Variants in ABCC9 observed in about 807,000 individuals in gnomAD.
ABCC9 encodes the protein ATP-binding cassette sub-family C member 9.
Under a neutral mutation model 188.3 loss-of-function variants are expected in ABCC9, and 95 were observed. That is an observed-to-expected ratio of 0.50 (90% CI 0.43 to 0.60). The LOEUF (loss-of-function observed/expected upper bound fraction) is 0.60. Among genes scored for constraint, ABCC9 ranks in the 20% least tolerant of loss-of-function variants. The pLI, the probability that ABCC9 is intolerant of heterozygous loss-of-function variation, is 0.00. For synonymous variants in ABCC9, 659 were observed against 652.7 expected (o/e 1.01, Z -0.15); for missense variants, 1,102 against 1,876.3 (o/e 0.59, Z 7.62).
chr12:21,801,202 T>A (rs1371689279), intron 39 of ABCC9, 21 bp from the exon 40 acceptor site: 1 of 1,613,482 alleles, frequency 6.2e-7, no homozygotes, highest in South Asian at 1.1e-5. Context: ...AAAGAAAACA[T>A]GTATTTGTTA....
At chr12:21,842,163 C>A in intron 29 of ABCC9, 151 bp downstream of exon 29, 7 of 890,240 alleles carry the variant, frequency 7.9e-6, no homozygotes, top group Non-Finnish European at 1.2e-5. Flanking sequence ...ATGTAGTACT[C>A]GGCACATGAC....
intron 30 of ABCC9, among the ~76,000 whole-genome samples, chr12:21,836,461 TA>T (rs1231723165): frequency 6.6e-6 from 1 of 152,210 alleles, no homozygotes; most frequent in Non-Finnish European, 1.5e-5. Flanking sequence ...ACATCTGTTA[TA>T]TCTTCTTTCA....
chr12:21,804,950 A>G (rs1482904989), intron 39 of ABCC9, among the ~76,000 whole-genome samples: 4 of 152,072 alleles, frequency 2.6e-5, no homozygotes, highest in Non-Finnish European at 5.9e-5. Context: ...TTTCATAAAT[A>G]CTCTCTTTTG....
intron 30 of ABCC9, among the ~76,000 whole-genome samples, chr12:21,830,179 A>G (rs1565712215): frequency 6.6e-6 from 1 of 152,234 alleles, no homozygotes. Context: ...TAAAAGCCCT[A>G]TCCATTTAAA....
chr12:21,832,294 G>T lies in ABCC9; in HGVS notation c.3567-3234C>A, dbSNP rs372755248. Among the ~76,000 whole-genome samples the T allele has an allele frequency of 3.3e-4, 50 of 152,298 alleles. 2 individuals carry two copies. The South Asian group carries it at 0.01, about 31-fold the overall frequency. On this transcript the variant is annotated intron_variant, in intron 30 of 39. Transcript: ENST00000261200. The stretch of plus-strand genomic sequence containing the variant: ...TACACCACGAACCCTCAATGCGGGG[G>T]AGGAAAAGCAGCCTCATCAGTAAAT...
At chr12:21,852,608 C>G in intron 22 of ABCC9, 103 bp from the exon 23 acceptor site, 4 of 1,323,044 alleles carry the variant, frequency 3.0e-6, no homozygotes, top group Middle Eastern at 4.1e-4. Flanking sequence ...GCAAATCATC[C>G]CCCAAATCTA....
chr12:21,860,275 A>G (rs1211260193), intron 21 of ABCC9, among the ~76,000 whole-genome samples: 1 of 152,196 alleles, frequency 6.6e-6, no homozygotes, highest in African/African-American at 2.4e-5. Context: ...TGCGGTATGT[A>G]GCAAAAAAGA....
intron 5 of ABCC9, chr12:21,923,912 A>T: frequency 1.5e-6 from 1 of 671,920 alleles, no homozygotes. Context: ...TGATATAGTT[A>T]TACAATGAAA....
chr12:21,838,102 C>A lies in ABCC9; in HGVS notation c.3542G>T (p.Gly1181Val). The change falls in exon 30 of 40, where the codon GGA becomes GTA. Residue 1181 changes from glycine (G) to valine (V), a missense_variant. By Grantham distance (109) the Gly-to-Val change is moderately radical. This residue lies in a region of ABCC9 where 143 missense variants were observed against 225.6 expected (regional missense o/e 0.63). Coordinates refer to ENST00000261200, the MANE Select transcript of ABCC9 (RefSeq NM_020297.4). ...LLCHFSETAE[G>V]LTTIRAFRHE... ...CCTAAAGGCCCGAATGGTGGTGAGT[C>A]CTTCTGCTGTTTCTGAGAAGTGACA... 1 of 1,614,036 alleles carries A rather than the reference C, an allele frequency of 6.2e-7. No homozygotes were observed. Among genetic ancestry groups the A allele is most frequent in the Non-Finnish European group, 8.5e-7 (1 of 1,179,962 alleles).
chr12:21,917,288 G>T (rs574321733), intron 5 of ABCC9, among the ~76,000 whole-genome samples, 185 bp from the exon 6 acceptor site: 1 of 152,218 alleles, frequency 6.6e-6, no homozygotes, highest in South Asian at 2.1e-4. Context: ...AGTTGAAGGA[G>T]TAATAACTTG....
At chr12:21,844,939 G>A (rs1944566183) in intron 26 of ABCC9, 24 bp from the exon 27 acceptor site, 16 of 1,612,648 alleles carry the variant, frequency 9.9e-6, no homozygotes, top group South Asian at 2.2e-5. Context: ...AACACAAAAA[G>A]CACATAGGAA....
At chr12:21,928,695 G>T (rs1176911338) in intron 4 of ABCC9, among the ~76,000 whole-genome samples, 1 of 152,146 alleles carries the variant, frequency 6.6e-6, no homozygotes, top group Non-Finnish European at 1.5e-5. Flanking sequence ...CAATAACAAA[G>T]ATTTAGTAAA....
rs533543882 is a variant in ABCC9 at position 21,818,151 on chromosome 12, G to A, written c.3770C>T (p.Thr1257Met). The change falls in exon 32 of 40, where the codon ACG becomes ATG. Residue 1257 changes from threonine to methionine, a missense_variant and splice_region_variant. By Grantham distance (81) the Thr-to-Met change is moderately conservative. This residue lies in a region of ABCC9 where 143 missense variants were observed against 225.6 expected (regional missense o/e 0.63). Coordinates refer to ENST00000261200, the MANE Select transcript of ABCC9 (RefSeq NM_020297.4). ...LVGLGLLYALTITNYLNWVVR... is the reference protein window; with the variant it reads ...LVGLGLLYALMITNYLNWVVR... ...TGTAATATTTTTATCCATACCTACC[G>A]TAAGTGCATACAGAAGACCCAAGCC... The A allele has an allele frequency of 1.3e-5, 21 of 1,604,326 alleles. No individual in the cohort carries two copies. The highest frequency in any genetic ancestry group is 1.6e-5 in the Non-Finnish European group (19 of 1,171,240).
At chr12:21,828,053 A>G (rs1373765598) in intron 31 of ABCC9, among the ~76,000 whole-genome samples, 1 of 152,178 alleles carries the variant, frequency 6.6e-6, no homozygotes, top group Non-Finnish European at 1.5e-5. Flanking sequence ...AGTGAAACGC[A>G]ATTAGTGGAA....
At chr12:21,811,722 G>C (rs562492907) in intron 36 of ABCC9, among the ~76,000 whole-genome samples, 1 of 152,202 alleles carries the variant, frequency 6.6e-6, no homozygotes, top group East Asian at 1.9e-4. Context: ...TATCTGCTGA[G>C]GTCAGGCCAG....
chr12:21,894,464 G>A (rs1359679689), intron 13 of ABCC9, among the ~76,000 whole-genome samples: 1 of 152,124 alleles, frequency 6.6e-6, no homozygotes, highest in African/African-American at 2.4e-5. Flanking sequence ...TAAAGGGATG[G>A]AGAACCCAGA....
intron 18 of ABCC9, among the ~76,000 whole-genome samples, chr12:21,872,163 A>G (rs1177312355): frequency 1.3e-5 from 2 of 152,220 alleles, no homozygotes; most frequent in Admixed American, 1.3e-4. Flanking sequence ...TATCTAGTTT[A>G]AGTATAAGGA....
Position 21,853,191 on chromosome 12 carries a change from G to T in ABCC9, c.2506-686C>A, listed in dbSNP as rs1446104351. Among the ~76,000 whole-genome samples, 3 of 152,152 alleles carry T rather than the reference G, an allele frequency of 2.0e-5. No homozygotes were observed. The East Asian group carries it at 5.8e-4, about 29-fold the overall frequency. Reference sequence around the variant, plus strand: ...TAGCTGGGCATGGTGTCGTGGGCTTGTAATCCCAGCTACTTGGGAGGTTGA... The same window carrying T: ...TAGCTGGGCATGGTGTCGTGGGCTTTTAATCCCAGCTACTTGGGAGGTTGA... On this transcript the variant is annotated intron_variant, in intron 22 of 39. Transcript: ENST00000261200.
intron 3 of ABCC9, among the ~76,000 whole-genome samples, chr12:21,934,745 A>T (rs1949420210): frequency 6.6e-6 from 1 of 152,046 alleles, no homozygotes; most frequent in African/African-American, 2.4e-5. Context: ...GACTGTAGAA[A>T]AAAAGCCCCA....
Sources: allele counts gnomAD v4.1 joint callset (sites outside exome capture counted in the v4.1 genomes callset), GRCh38; gene constraint gnomAD v4.1.1; regional missense constraint gnomAD v4.1.1; transcripts MANE v1.5; gene names NCBI Gene and HGNC (gene_info 2026-07-23, HGNC 2026-07-21).